The following XPO5 variants were observed in gnomAD, a reference collection of about 807,000 sequenced individuals.
XPO5 encodes exportin-5.
A neutral mutation model predicts 160.6 loss-of-function variants in XPO5; 46 were observed. The ratio of observed to expected loss-of-function variants is 0.29; its 90% confidence interval spans 0.23 to 0.37. XPO5 has a LOEUF of 0.37. Among genes scored for constraint, XPO5 ranks in the 10% least tolerant of loss-of-function variants. The probability of loss-of-function intolerance (pLI) is 1.00; values close to 1 mark genes in which losing one functional copy is unlikely to be tolerated. For missense variants in XPO5, 1,090 were observed against 1,463.9 expected, an observed-to-expected ratio of 0.74 and a Z score of 4.17; for synonymous variants, 537 against 519.3, an observed-to-expected ratio of 1.03 and a Z score of -0.46.
At chr6:43,560,066 G>T in intron 11 of XPO5, 112 bp downstream of exon 11, 1 of 1,327,496 alleles carries the variant, frequency 7.5e-7, no homozygotes, top group Non-Finnish European at 1.0e-6. Context: ...CGATCCTCCC[G>T]CCTCAGCCTT....
intron 20 of XPO5, chr6:43,539,141 C>T (rs1235661376): frequency 2.2e-5 from 26 of 1,158,726 alleles, no homozygotes; most frequent in Middle Eastern, 2.7e-4. Context: ...CACAGAGCCA[C>T]GGCGGCCTGT....
At chr6:43,575,003 C>G (rs1035908316) in intron 1 of XPO5, among the ~76,000 whole-genome samples, 2 of 152,172 alleles carry the variant, frequency 1.3e-5, no homozygotes, top group Admixed American at 1.3e-4. Context: ...ACAGCCCACA[C>G]ACGTTGTTTT....
intron 13 of XPO5, among the ~76,000 whole-genome samples, chr6:43,554,114 TTTTG>T (rs946129262): frequency 4.6e-5 from 7 of 152,174 alleles, no homozygotes; most frequent in African/African-American, 7.2e-5. Context: ...GCTTTTCTTT[TTTTG>T]TTTGTTTGAG....
chr6:43,548,178 C>T, intron 18 of XPO5, 83 bp downstream of exon 18: 1 of 1,380,262 alleles, frequency 7.2e-7, no homozygotes, highest in Non-Finnish European at 9.8e-7. Context: ...ATATCCTTAA[C>T]CCCTACCCCA....
intron 13 of XPO5, 110 bp from the exon 14 acceptor site, chr6:43,553,613 G>A: frequency 6.9e-7 from 1 of 1,443,794 alleles, no homozygotes; most frequent in Non-Finnish European, 9.1e-7. Flanking sequence ...GAACACCTGA[G>A]AATTTCATGA....
chr6:43,539,524 C>T, intron 20 of XPO5: 2 of 1,524,116 alleles, frequency 1.3e-6, no homozygotes, highest in South Asian at 2.3e-5. Context: ...TGACGGGCAT[C>T]CACTCCTTAT....
intron 28 of XPO5, 134 bp downstream of exon 28, chr6:43,525,705 G>A: frequency 1.1e-6 from 1 of 931,490 alleles, no homozygotes; most frequent in Non-Finnish European, 1.6e-6. Context: ...TTTTTCTGGG[G>A]CCTTTGGAAC....
intron 7 of XPO5, among the ~76,000 whole-genome samples, chr6:43,566,380 C>T (rs1316592741): frequency 2.6e-5 from 4 of 151,720 alleles, no homozygotes; most frequent in Non-Finnish European, 5.9e-5. Flanking sequence ...GACAACAGAA[C>T]GAGACTCCAT....
chr6:43,566,646 T>C (rs1487494316), intron 7 of XPO5: 2 of 427,628 alleles, frequency 4.7e-6, no homozygotes, highest in Non-Finnish European at 9.5e-6. Flanking sequence ...TCATCTCTAC[T>C]AAAAAATACA....
rs879339951 is a variant in XPO5 at position 43,569,309 on chromosome 6, C to CA, written c.622-573dup. Among the ~76,000 whole-genome samples, 20 of 145,492 alleles carry CA rather than the reference C, an allele frequency of 1.4e-4. 1 individual carries two copies. Among genetic ancestry groups the CA allele is most frequent in the Admixed American group, 9.5e-4 (14 of 14,726 alleles). On this transcript the variant is annotated intron_variant, in intron 5 of 31. Transcript: ENST00000265351. ...CTCCGTCTCAAAAAAAAAAAAACAA[C>CA]AAAAAAAAATACATATATATATGAT... is the stretch of plus-strand genomic sequence containing the variant.
chr6:43,547,660 T>C lies in XPO5; in HGVS notation c.2108A>G (p.Gln703Arg). Residue 703 changes from glutamine to arginine, a missense_variant, in exon 19 of 32, where the codon CAG becomes CGG. Physicochemically the swap from Gln to Arg is conservative, Grantham distance 43 (BLOSUM62 1). This residue lies in a region of XPO5 where 810 missense variants were observed against 1,139.0 expected (regional missense o/e 0.71). Transcript: ENST00000265351. ...CTCCAGGCCTGGGTCACAGCTCTTCTGATCTGTACCCACATACGCAATGAA... is the reference window on the plus strand; with the variant it reads ...CTCCAGGCCTGGGTCACAGCTCTTCCGATCTGTACCCACATACGCAATGAA... ...DAFIAYVGTD[Q>R]KSCDPGLEDP... 2 of 1,614,052 alleles carry C rather than the reference T, an allele frequency of 1.2e-6. No individual in the cohort carries two copies. Among genetic ancestry groups the C allele is most frequent in the Non-Finnish European group, 1.7e-6 (2 of 1,179,890 alleles).
rs1793359556 is a variant in XPO5, at chr6:43,523,841, C to T, written c.*27G>A. ...GGGAAAGAAGAGATGACAAGAAAGG[C>T]CGAGGAAGGATGCCCAAAAGCTTGA... On this transcript the variant is annotated 3_prime_UTR_variant, in exon 32 of 32. Coordinates refer to ENST00000265351, the MANE Select transcript of XPO5 (RefSeq NM_020750.3). 1 of 1,613,792 alleles carries T rather than the reference C, an allele frequency of 6.2e-7. No individual in the cohort carries two copies. Among genetic ancestry groups the T allele is most frequent in the Non-Finnish European group, 8.5e-7 (1 of 1,179,860 alleles).
At chr6:43,530,505 T>C (rs967156185) in intron 23 of XPO5, among the ~76,000 whole-genome samples, 183 bp downstream of exon 23, 4 of 152,144 alleles carry the variant, frequency 2.6e-5, no homozygotes, top group African/African-American at 9.7e-5. Flanking sequence ...TTTATGGCCA[T>C]CTGGACTGCC....
chr6:43,530,713 A>G lies in XPO5; in HGVS notation c.2652T>C (p.Pro884=). ...GAAGCATGGGTCTGAGTCGGTAGTCAGGAATATTGTTCAAGTTGACAAAGG... is the reference window on the plus strand; with the variant it reads ...GAAGCATGGGTCTGAGTCGGTAGTCGGGAATATTGTTCAAGTTGACAAAGG... ...SSAFVNLNNI[P]DYRLRPMLRV... is the part of the protein sequence containing the mutation. Residue 884 remains proline, a synonymous_variant, in exon 23 of 32, where the codon CCT becomes CCC. Transcript: ENST00000265351. The G allele has an allele frequency of 1.2e-6, 2 of 1,614,008 alleles. No individual in the cohort carries two copies. The highest frequency in any genetic ancestry group is 1.7e-6 in the Non-Finnish European group (2 of 1,179,886).
chr6:43,529,021 G>T, intron 23 of XPO5, 96 bp from the exon 24 acceptor site: 1 of 1,221,044 alleles, frequency 8.2e-7, no homozygotes, highest in Admixed American at 2.4e-5. Context: ...ATCCCTAAAG[G>T]ATTTGCCAGA....
chr6:43,524,992 G>A, intron 29 of XPO5, 24 bp from the exon 30 acceptor site: 1 of 1,609,152 alleles, frequency 6.2e-7, no homozygotes, highest in Non-Finnish European at 8.5e-7. Flanking sequence ...TGTGCTTTAG[G>A]GCCACAGGGG....
At chr6:43,566,714 G>T (rs1762715035) in intron 7 of XPO5, 1 of 304,570 alleles carries the variant, frequency 3.3e-6, no homozygotes, top group East Asian at 9.8e-5. Flanking sequence ...GGAAGCTGAG[G>T]CAGGAGAATC....
At position 43,524,076 on chromosome 6, in the gene XPO5, C is replaced by T. The variant is rs541961605; in HGVS notation, c.3478-71G>A. The T allele has an allele frequency of 2.1e-4, 324 of 1,550,580 alleles. No individual in the cohort carries two copies. In the African/African-American group the frequency reaches 3.1e-3, roughly 15 times the overall value. On this transcript the variant is annotated intron_variant, in intron 31 of 31. Coordinates refer to ENST00000265351, the MANE Select transcript of XPO5 (RefSeq NM_020750.3). ...TAGTTAAAAGATTCTCTTGGCCCGG[C>T]GCAGTGGCTCGCGCCTGTAATCCCA...
In XPO5 at chr6:43,525,746, A is replaced by G. The variant is rs1327687516; in HGVS notation, c.3066+93T>C. 5.9e-6 allele frequency: 8 copies of G among 1,360,080 alleles called. No individual in the cohort carries two copies. In the African/African-American group the frequency reaches 7.3e-5, roughly 12 times the overall value. The allele number at this position is 1,360,080 out of a possible 1,614,324, so 84.3% of individuals were successfully genotyped here. On this transcript the variant is annotated intron_variant, in intron 28 of 31. Transcript: ENST00000265351. ...ACTTATGTAACAAAGGAGTATTACA[A>G]AAAACTCTTGATAGCACCATAGAGC...
Sources: allele counts gnomAD v4.1 joint callset (sites outside exome capture counted in the v4.1 genomes callset), GRCh38; gene constraint gnomAD v4.1.1; regional missense constraint gnomAD v4.1.1; transcripts MANE v1.5; gene names NCBI Gene and HGNC (gene_info 2026-07-23, HGNC 2026-07-21).